Variants in F9 observed in about 807,000 individuals in gnomAD.
F9 encodes Christmas factor.
A neutral mutation model predicts 34.1 loss-of-function variants in F9; 2 were observed. That is an observed-to-expected ratio of 0.06 (90% CI 0.02 to 0.18). F9 has a LOEUF of 0.18. Among genes scored for constraint, F9 ranks in the 10% least tolerant of loss-of-function variants. F9 has a pLI of 1.00. For synonymous variants in F9, 137 were observed against 118.8 expected (o/e 1.15, Z -1.00); for missense variants, 216 against 345.1 (o/e 0.63, Z 2.96).
intron 4 of F9, chrX:139,547,512 A>G (rs1343361573): frequency 9.0e-6 from 1 of 111,207 alleles, no homozygotes; most frequent in Non-Finnish European, 1.9e-5. Flanking sequence ...AGTTCGTACA[A>G]TCATTTTAGA....
At chrX:139,546,106 CT>C (rs1927710405) in intron 4 of F9, among the ~76,000 whole-genome samples, 1 of 110,954 alleles carries the variant, frequency 9.0e-6, no homozygotes, top group South Asian at 3.9e-4. Context: ...ACTCCAGTAT[CT>C]GTTGTTTCCT....
At chrX:139,535,817 T>C (rs1039920538) in intron 1 of F9, among the ~76,000 whole-genome samples, 3 of 111,384 alleles carry the variant, frequency 2.7e-5, no homozygotes, top group Admixed American at 9.6e-5. Flanking sequence ...GAGAAATGTG[T>C]CATTAAGCAA....
chrX:139,559,958 T>C (rs1928060761), intron 6 of F9, among the ~76,000 whole-genome samples: 2 of 112,419 alleles, frequency 1.8e-5, no homozygotes, highest in South Asian at 7.5e-4. Flanking sequence ...AAAATATTCA[T>C]TGTCGACTGT....
At chrX:139,550,608 C>A (rs936309869) in intron 5 of F9, among the ~76,000 whole-genome samples, 1 of 111,375 alleles carries the variant, frequency 9.0e-6, no homozygotes, top group Non-Finnish European at 1.9e-5. Flanking sequence ...ATCTAGAAGG[C>A]CTTTTAGTCT....
Position 139,561,407 on chromosome X carries a change from A to T in F9, c.839-117A>T. On this transcript the variant is annotated intron_variant, in intron 7 of 7. Coordinates refer to ENST00000218099, the MANE Select transcript of F9 (RefSeq NM_000133.4). Reference sequence around the variant, plus strand: ...ATTACATTTAACCAAAATTATCACAATATAAGAATGAGATCTTTAACATTG... The same window carrying T: ...ATTACATTTAACCAAAATTATCACATTATAAGAATGAGATCTTTAACATTG... 6.0e-6 allele frequency: 4 copies of T among 664,410 alleles called. No individual in the cohort carries two copies. The South Asian group carries it at 8.4e-5, about 14-fold the overall frequency. 54.8% of individuals were successfully genotyped at this position (664,410 alleles called of 1,213,427 possible). A position where few individuals can be genotyped will look rare whatever the true frequency, so the allele number is the denominator to read the frequency against.
chrX:139,557,256 G>A (rs1181241705), intron 6 of F9, among the ~76,000 whole-genome samples: 2 of 111,804 alleles, frequency 1.8e-5, no homozygotes, highest in Non-Finnish European at 1.9e-5. Flanking sequence ...GTCCTTGACC[G>A]AGCAGACATC....
At chrX:139,539,950 G>A (rs1224848974) in intron 3 of F9, among the ~76,000 whole-genome samples, 2 of 111,596 alleles carry the variant, frequency 1.8e-5, no homozygotes, top group East Asian at 5.6e-4. Flanking sequence ...CTACACACCA[G>A]ATGTCAAGGA....
chrX:139,558,636 G>C (rs1231662406), intron 6 of F9, among the ~76,000 whole-genome samples: 3 of 112,247 alleles, frequency 2.7e-5, no homozygotes, highest in Non-Finnish European at 5.6e-5. Flanking sequence ...TTTGAACAAG[G>C]GGCCCCACAT....
intron 1 of F9, among the ~76,000 whole-genome samples, chrX:139,531,317 G>A (rs1433873721): frequency 1.8e-5 from 2 of 111,916 alleles, no homozygotes; most frequent in Admixed American, 9.5e-5. Context: ...ACATTTCAAG[G>A]TTTCAGAAGT....
intron 7 of F9, among the ~76,000 whole-genome samples, chrX:139,561,105 C>T (rs1928091086): frequency 9.0e-6 from 1 of 111,506 alleles, no homozygotes; most frequent in Non-Finnish European, 1.9e-5. Flanking sequence ...ACCAGAAGGC[C>T]TTCCCAAAAA....
chrX:139,561,066 C>T (rs4149749), intron 7 of F9, among the ~76,000 whole-genome samples: 1,437 of 111,549 alleles, frequency 0.013, 28 homozygotes, highest in African/African-American at 0.044. Flanking sequence ...CAGTGAGGTA[C>T]AATTAGTTCT....
At chrX:139,560,716 AAG>A (rs1337749556) in intron 6 of F9, 23 bp from the exon 7 acceptor site, 2 of 1,018,626 alleles carry the variant, frequency 2.0e-6, no homozygotes, top group African/African-American at 1.9e-5. Context: ...ATTATGCAGT[AAG>A]AGTCTTAATT....
rs767087007 is a variant in F9, at chrX:139,537,419, A to G, written c.277+33A>G. ...ATTCATTTTATCCTCTAGCTAATAT[A>G]TGAAACATATGAGAATTATGTGGGT... On this transcript the variant is annotated intron_variant, in intron 3 of 7. Transcript: ENST00000218099. The G allele has an allele frequency of 3.0e-5, 33 of 1,088,929 alleles. No individual in the cohort carries two copies. The East Asian group carries it at 9.4e-4, about 31-fold the overall frequency. The allele number at this position is 1,088,929 out of a possible 1,213,427, so 89.7% of individuals were successfully genotyped here. A position where few individuals can be genotyped will look rare whatever the true frequency, so the allele number is the denominator to read the frequency against.
chrX:139,546,678 A>G (rs1358984995), intron 4 of F9, among the ~76,000 whole-genome samples: 1 of 111,999 alleles, frequency 8.9e-6, no homozygotes, highest in Non-Finnish European at 1.9e-5. Flanking sequence ...TTGTATGTCT[A>G]TATACCAGCA....
intron 1 of F9, 29 bp downstream of exon 1, chrX:139,530,881 G>A: frequency 1.8e-6 from 2 of 1,081,367 alleles, no homozygotes; most frequent in Non-Finnish European, 2.6e-6. Context: ...AATACATTGA[G>A]TATGCTTGCC....
At chrX:139,559,773 T>G (rs1441809342) in intron 6 of F9, among the ~76,000 whole-genome samples, 1 of 111,900 alleles carries the variant, frequency 8.9e-6, no homozygotes, top group Non-Finnish European at 1.9e-5. Flanking sequence ...CTGTGTGCAC[T>G]TTAATACAAG....
chrX:139,532,049 G>A (rs188765430), intron 1 of F9, among the ~76,000 whole-genome samples: 22 of 112,158 alleles, frequency 2.0e-4, no homozygotes, highest in Non-Finnish European at 3.6e-4. Flanking sequence ...GATGAAGGTT[G>A]TAAGAGGGCT....
intron 6 of F9, among the ~76,000 whole-genome samples, chrX:139,554,011 C>A (rs1472332683): frequency 1.8e-5 from 2 of 109,542 alleles, no homozygotes; most frequent in African/African-American, 6.7e-5. Flanking sequence ...CCCTTTAAAC[C>A]AGATGTTTGC....
At chrX:139,560,527 T>C (rs999677529) in intron 6 of F9, among the ~76,000 whole-genome samples, 1 of 112,351 alleles carries the variant, frequency 8.9e-6, no homozygotes, top group Non-Finnish European at 1.9e-5. Context: ...CTGTCTCTCA[T>C]TGTGTGTTGC....
Sources: allele counts gnomAD v4.1 joint callset (sites outside exome capture counted in the v4.1 genomes callset), GRCh38; gene constraint gnomAD v4.1.1; transcripts MANE v1.5; gene names NCBI Gene and HGNC (gene_info 2026-07-23, HGNC 2026-07-21).